Variants in LRRC20 observed in about 807,000 individuals in gnomAD.
LRRC20 encodes leucine rich repeat containing 20.
A neutral mutation model predicts 14.4 loss-of-function variants in LRRC20; 11 were observed. That is an observed-to-expected ratio of 0.77 (90% CI 0.48 to 1.27). LRRC20 has a LOEUF of 1.27. Among genes scored for constraint, LRRC20 ranks in the 50% most tolerant of loss-of-function variants. LRRC20 has a pLI of 0.00. For synonymous variants in LRRC20, 121 were observed against 107.3 expected, an observed-to-expected ratio of 1.13 and a Z score of -0.79; for missense variants, 219 against 251.2, an observed-to-expected ratio of 0.87 and a Z score of 0.87.
Position 70,300,264 on chromosome 10 carries a change from C to A in LRRC20, c.*1090G>T. On this transcript the variant is annotated 3_prime_UTR_variant, in exon 5 of 5. Coordinates refer to ENST00000446961, the MANE Select transcript of LRRC20 (RefSeq NM_001278212.2). ...CTCTCCTGGTAGGGGACCAACCATC[C>A]CCACTTGCTGGGTACTGTCCCAGTT... 1 of 741,280 alleles carries A rather than the reference C, an allele frequency of 1.3e-6. No individual in the cohort carries two copies. The highest frequency in any genetic ancestry group is 1.6e-6 in the Non-Finnish European group (1 of 607,062). 45.9% of individuals were successfully genotyped at this position (741,280 alleles called of 1,614,324 possible). A position where few individuals can be genotyped will look rare whatever the true frequency, so the allele number is the denominator to read the frequency against.
chr10:70,311,754 A>T (rs1280123593), intron 4 of LRRC20, among the ~76,000 whole-genome samples: 1 of 152,134 alleles, frequency 6.6e-6, no homozygotes, highest in East Asian at 1.9e-4. Context: ...TCAGTGGCCT[A>T]TGGCAAGGCA....
intron 3 of LRRC20, among the ~76,000 whole-genome samples, chr10:70,338,772 T>C (rs1222247759): frequency 5.3e-5 from 8 of 152,220 alleles, no homozygotes; most frequent in Admixed American, 3.3e-4. Context: ...GCGATTCTCC[T>C]GCATCAGCCT....
chr10:70,327,031 G>A (rs1370234740), intron 3 of LRRC20, among the ~76,000 whole-genome samples: 2 of 152,166 alleles, frequency 1.3e-5, no homozygotes, highest in Non-Finnish European at 2.9e-5. Flanking sequence ...TATTCCCACA[G>A]TGGCTGAGAA....
At chr10:70,370,509 T>C (rs1167436525) in intron 2 of LRRC20, among the ~76,000 whole-genome samples, 1 of 152,044 alleles carries the variant, frequency 6.6e-6, no homozygotes, top group East Asian at 1.9e-4. Flanking sequence ...ATCCTAGCAC[T>C]TCGGGAGGCT....
intron 2 of LRRC20, among the ~76,000 whole-genome samples, chr10:70,347,126 T>G (rs1438062201): frequency 2.0e-5 from 3 of 152,178 alleles, no homozygotes; most frequent in Non-Finnish European, 2.9e-5. Context: ...CCTCAAGTGA[T>G]CCACCTGCCT....
chr10:70,346,942 G>C (rs1470290510), intron 2 of LRRC20, among the ~76,000 whole-genome samples: 3 of 152,182 alleles, frequency 2.0e-5, no homozygotes, highest in African/African-American at 4.8e-5. Flanking sequence ...CTGGAGGGCA[G>C]TGGCGTGATC....
At chr10:70,370,986 C>T (rs1488325269) in intron 2 of LRRC20, among the ~76,000 whole-genome samples, 1 of 152,116 alleles carries the variant, frequency 6.6e-6, no homozygotes, top group East Asian at 1.9e-4. Context: ...CGCCACTGCA[C>T]TCCAGCCTGG....
chr10:70,351,383 C>A (rs532322343), intron 2 of LRRC20, among the ~76,000 whole-genome samples: 2 of 152,280 alleles, frequency 1.3e-5, no homozygotes, highest in East Asian at 3.9e-4. Flanking sequence ...CTCTCCATGT[C>A]TCCATCTGAG....
intron 2 of LRRC20, among the ~76,000 whole-genome samples, chr10:70,355,521 AGAAGG>A (rs1843486329): frequency 6.6e-6 from 1 of 152,180 alleles, no homozygotes; most frequent in South Asian, 2.1e-4. Context: ...TGTCGGGAAG[AGAAGG>A]GCAGAAAGGC....
intron 4 of LRRC20, among the ~76,000 whole-genome samples, chr10:70,318,316 C>T (rs1309284957): frequency 6.6e-6 from 1 of 152,176 alleles, no homozygotes; most frequent in Non-Finnish European, 1.5e-5. Context: ...ATTTCTAACC[C>T]GTTCTCTAGC....
chr10:70,347,806 G>A (rs542627428), intron 2 of LRRC20, among the ~76,000 whole-genome samples: 15 of 138,094 alleles, frequency 1.1e-4, no homozygotes, highest in Non-Finnish European at 2.0e-4. Context: ...GCAACAGAGC[G>A]AGACTCCGTC....
chr10:70,313,791 C>T (rs1841752879), intron 4 of LRRC20, among the ~76,000 whole-genome samples: 1 of 152,162 alleles, frequency 6.6e-6, no homozygotes, highest in African/African-American at 2.4e-5. Flanking sequence ...CTACAGATAA[C>T]ATCACAACTG....
chr10:70,331,956 T>C (rs911352813), intron 3 of LRRC20, among the ~76,000 whole-genome samples: 16 of 152,232 alleles, frequency 1.1e-4, no homozygotes, highest in Non-Finnish European at 1.8e-4. Flanking sequence ...AGAGAGAAGC[T>C]TGCCAATTCC....
intron 3 of LRRC20, among the ~76,000 whole-genome samples, chr10:70,332,098 CA>C (rs1842561259): frequency 6.6e-6 from 1 of 152,326 alleles, no homozygotes; most frequent in East Asian, 1.9e-4. Context: ...AATGAGCAAT[CA>C]CAGTCCCTGA....
At chr10:70,343,795 C>CA (rs1225382497) in intron 2 of LRRC20, among the ~76,000 whole-genome samples, 4 of 152,190 alleles carry the variant, frequency 2.6e-5, no homozygotes, top group Non-Finnish European at 5.9e-5. Flanking sequence ...AGGCAGATCT[C>CA]ATCATACATC....
intron 2 of LRRC20, among the ~76,000 whole-genome samples, chr10:70,369,348 A>T (rs1319624560): frequency 1.3e-5 from 2 of 152,142 alleles, no homozygotes; most frequent in African/African-American, 4.8e-5. Context: ...CCCTAGGCTG[A>T]CCTATGAACT....
rs554321550 is a variant in LRRC20, at chr10:70,374,155, A to G, written c.82+2297T>C. Among the ~76,000 whole-genome samples, 7 of 152,092 alleles carry G rather than the reference A, an allele frequency of 4.6e-5. No individual in the cohort carries two copies. The East Asian group carries it at 7.7e-4, about 17-fold the overall frequency. On this transcript the variant is annotated intron_variant, in intron 2 of 4. Coordinates refer to ENST00000446961, the MANE Select transcript of LRRC20 (RefSeq NM_001278212.2). ...CTGGGCAGGGCCTCTCCTCCAACTC[A>G]GGCACACCCCTGCCACTGCCTGGAG...
At chr10:70,308,357 G>A (rs758600853) in intron 4 of LRRC20, among the ~76,000 whole-genome samples, 1 of 152,274 alleles carries the variant, frequency 6.6e-6, no homozygotes, top group South Asian at 2.1e-4. Flanking sequence ...CCGAGACGGA[G>A]AAGACTCTTG....
intron 3 of LRRC20, among the ~76,000 whole-genome samples, chr10:70,327,962 C>T (rs1302982614): frequency 6.6e-6 from 1 of 152,184 alleles, no homozygotes. Flanking sequence ...CCCTTCAATA[C>T]CTGTTCTCAG....
Sources: allele counts gnomAD v4.1 joint callset (sites outside exome capture counted in the v4.1 genomes callset), GRCh38; gene constraint gnomAD v4.1.1; transcripts MANE v1.5; gene names NCBI Gene and HGNC (gene_info 2026-07-23, HGNC 2026-07-21).